Variants in ADGRL2 observed in about 807,000 individuals in gnomAD.
The protein encoded by ADGRL2 is calcium-independent alpha-latrotoxin receptor 2.
Under a neutral mutation model 157.4 loss-of-function variants are expected in ADGRL2, and 44 were observed. The ratio of observed to expected loss-of-function variants is 0.28; its 90% CI spans 0.22 to 0.36. ADGRL2 has a LOEUF of 0.36. Among genes scored for constraint, ADGRL2 ranks in the 10% least tolerant of loss-of-function variants. The pLI is 1.00. For synonymous variants in ADGRL2, 585 were observed against 624.7 expected (o/e 0.94, Z 0.95); for missense variants, 1,510 against 1,768.9 (o/e 0.85, Z 2.63).
chr1:81,967,069 C>T (rs1213332163), intron 13 of ADGRL2, among the ~76,000 whole-genome samples: 2 of 152,070 alleles, frequency 1.3e-5, no homozygotes, highest in African/African-American at 4.8e-5. Context: ...AGATGTGATT[C>T]CTCTGCTGTG....
At chr1:81,487,411 G>A (rs192387955) in intron 2 of ADGRL2, among the ~76,000 whole-genome samples, 127 of 152,304 alleles carry the variant, frequency 8.3e-4, no homozygotes, top group Middle Eastern at 6.8e-3. Context: ...TTGGGAGGCT[G>A]AGGCAGGCAG....
chr1:81,458,704 G>A lies in ADGRL2; in HGVS notation c.-248+13615G>A, dbSNP rs2077858420. On this transcript the variant is annotated intron_variant, in intron 2 of 24. Transcript: ENST00000370721. The stretch of plus-strand genomic sequence containing the variant: ...GCACCAGTGTTTAGATGAGGTGGAT[G>A]TGGTGGCGCCTGAAAACTAGGAGAT... 2.0e-5 allele frequency among the ~76,000 whole-genome samples: 3 copies of A among 152,206 alleles called. No individual in the cohort carries two copies. In the South Asian group the frequency reaches 6.2e-4, roughly 32 times the overall value.
intron 1 of ADGRL2, among the ~76,000 whole-genome samples, chr1:81,386,438 CT>C (rs2076437121): frequency 6.6e-6 from 1 of 152,098 alleles, no homozygotes; most frequent in South Asian, 2.1e-4. Context: ...TCTTCCTCCC[CT>C]ATTTATTAGT....
rs377406591 is a variant in ADGRL2, at chr1:81,424,918, T to C, written c.-301-20118T>C. Among the ~76,000 whole-genome samples the C allele has an allele frequency of 4.2e-3, 645 of 152,318 alleles. 3 individuals carry two copies. The highest frequency in any genetic ancestry group is 0.015 in the African/African-American group (624 of 41,572). On this transcript the variant is annotated intron_variant, in intron 1 of 24. Transcript: ENST00000370721. The stretch of plus-strand genomic sequence containing the variant: ...CAATTAATAACACTAGTAGCTACTA[T>C]TATTTGAAGACCCGCTATGGAGCAG...
At chr1:81,718,896 C>T (rs1202531252) in intron 1 of ADGRL2, among the ~76,000 whole-genome samples, 1 of 152,152 alleles carries the variant, frequency 6.6e-6, no homozygotes, top group Non-Finnish European at 1.5e-5. Context: ...GAAATTAGCC[C>T]CAAAACAATT....
intron 2 of ADGRL2, among the ~76,000 whole-genome samples, chr1:81,452,339 A>G (rs563079148): frequency 1.1e-3 from 169 of 152,268 alleles, no homozygotes; most frequent in African/African-American, 3.9e-3. Flanking sequence ...TTTTAAAGAC[A>G]CCAATTTTTC....
At chr1:81,508,058 T>C (rs1311920935) in intron 2 of ADGRL2, among the ~76,000 whole-genome samples, 1 of 152,266 alleles carries the variant, frequency 6.6e-6, no homozygotes, top group Non-Finnish European at 1.5e-5. Flanking sequence ...ATTTAATTTA[T>C]TAGCATGAAT....
At chr1:81,799,768 T>A (rs951059037), upstream of ADGRL2, among the ~76,000 whole-genome samples, 1 of 152,058 alleles carries the variant, frequency 6.6e-6, no homozygotes, top group African/African-American at 2.4e-5. Context: ...TGGAGAATCA[T>A]TTTTTTCTTG....
chr1:81,490,116 C>A (rs1028078636), intron 2 of ADGRL2, among the ~76,000 whole-genome samples: 6 of 149,740 alleles, frequency 4.0e-5, no homozygotes, highest in African/African-American at 1.5e-4. Flanking sequence ...ATGATTTGAG[C>A]GACTTAACAT....
chr1:81,816,121 C>T (rs1256357484), intron 1 of ADGRL2, among the ~76,000 whole-genome samples: 2 of 151,682 alleles, frequency 1.3e-5, no homozygotes, highest in African/African-American at 4.8e-5. Flanking sequence ...GCCTCATTCT[C>T]CTTATTGCTT....
intron 2 of ADGRL2, among the ~76,000 whole-genome samples, chr1:81,776,979 A>G (rs1186288703): frequency 6.6e-6 from 1 of 152,218 alleles, no homozygotes; most frequent in Non-Finnish European, 1.5e-5. Flanking sequence ...ATTCTTAATG[A>G]TGATTAAATT....
chr1:81,824,161 TTAA>T (rs1480264779), intron 1 of ADGRL2, among the ~76,000 whole-genome samples: 3 of 152,200 alleles, frequency 2.0e-5, no homozygotes, highest in Non-Finnish European at 2.9e-5. Context: ...TACTTGCAGT[TTAA>T]GCCTCAGTGC....
intron 2 of ADGRL2, among the ~76,000 whole-genome samples, chr1:81,568,555 G>T (rs1456343151): frequency 6.6e-6 from 1 of 152,068 alleles, no homozygotes; most frequent in Admixed American, 6.6e-5. Context: ...TATTTAACCT[G>T]AATGAAAGCA....
intron 3 of ADGRL2, among the ~76,000 whole-genome samples, chr1:81,638,479 T>C (rs1038941320): frequency 2.6e-5 from 4 of 152,230 alleles, no homozygotes; most frequent in African/African-American, 9.6e-5. Flanking sequence ...TGTATATGGC[T>C]ATTTATACTT....
intron 2 of ADGRL2, among the ~76,000 whole-genome samples, chr1:81,492,645 A>G (rs745777501): frequency 1.3e-5 from 2 of 152,238 alleles, no homozygotes; most frequent in African/African-American, 2.4e-5. Flanking sequence ...CTTCATTTCT[A>G]AAGTTGGAAA....
At chr1:81,479,704 T>C (rs1414800875) in intron 2 of ADGRL2, among the ~76,000 whole-genome samples, 1 of 152,192 alleles carries the variant, frequency 6.6e-6, no homozygotes, top group Admixed American at 6.5e-5. Flanking sequence ...TCCTTTCTCT[T>C]TCTCTCTTTC....
intron 1 of ADGRL2, chr1:81,721,786 G>A: frequency 7.6e-7 from 1 of 1,320,640 alleles, no homozygotes; most frequent in Non-Finnish European, 1.1e-6. Flanking sequence ...GCTTCCTGAG[G>A]GAGTGGGTGG....
intron 1 of ADGRL2, among the ~76,000 whole-genome samples, chr1:81,816,333 A>G (rs991904895): frequency 6.6e-6 from 1 of 151,864 alleles, no homozygotes; most frequent in African/African-American, 2.4e-5. Flanking sequence ...TGTTTATACA[A>G]TTGATGATAT....
At chr1:81,531,337 ACTTTTGAAC>A (rs2079593645) in intron 2 of ADGRL2, among the ~76,000 whole-genome samples, 1 of 151,876 alleles carries the variant, frequency 6.6e-6, no homozygotes, top group Non-Finnish European at 1.5e-5. Flanking sequence ...GACTACACCA[ACTTTTGAAC>A]CTATATACTG....
Sources: gnomAD v4.1 joint callset for allele counts (sites outside exome capture counted in the v4.1 genomes callset) on GRCh38, gnomAD v4.1.1 for gene constraint, MANE v1.5 for transcripts, NCBI Gene and HGNC (gene_info 2026-07-23, HGNC 2026-07-21) for gene names.